Variants in TASOR2 observed in about 807,000 individuals in gnomAD.
TASOR2 encodes the protein transcription activation suppressor family member 2.
A neutral mutation model predicts 199.5 loss-of-function variants in TASOR2; 84 were observed. The observed-to-expected ratio is 0.42, with a 90% CI of 0.35 to 0.50. TASOR2 has a LOEUF of 0.50. TASOR2 is among the 20% of genes least tolerant of loss of function. The pLI is 0.02. For synonymous variants in TASOR2, 1,103 were observed against 1,046.6 expected, an observed-to-expected ratio of 1.05 and a Z score of -1.04; for missense variants, 2,796 against 2,835.9, an observed-to-expected ratio of 0.99 and a Z score of 0.32.
intron 15 of TASOR2, among the ~76,000 whole-genome samples, chr10:5,755,352 C>T (rs1052637077): frequency 2.6e-5 from 4 of 152,022 alleles, no homozygotes; most frequent in Admixed American, 1.3e-4. Flanking sequence ...GCAGGCGGAT[C>T]GCTTGAAGTC....
At chr10:5,714,234 T>G in intron 2 of TASOR2, 27 bp downstream of exon 3, 3 of 1,214,496 alleles carry the variant, frequency 2.5e-6, no homozygotes, top group Non-Finnish European at 3.1e-6. Context: ...AAAAGAATCT[T>G]AAAAAAAAAT....
At chr10:5,735,755 T>C (rs183298742) in intron 12 of TASOR2, among the ~76,000 whole-genome samples, 80 of 152,258 alleles carry the variant, frequency 5.3e-4, no homozygotes, top group African/African-American at 1.9e-3. Flanking sequence ...TTCAAAAACA[T>C]AGAGCCTACT....
At position 5,763,093 on chromosome 10, in the gene TASOR2, G is replaced by A. The variant is rs567380046; in HGVS notation, c.*61G>A. 3.5e-4 allele frequency: 543 copies of A among 1,530,054 alleles called. 3 individuals carry two copies. The highest frequency in any genetic ancestry group is 8.5e-4 in the Middle Eastern group (5 of 5,892). The allele number at this position is 1,530,054 out of a possible 1,614,324, so 94.8% of individuals were successfully genotyped here. A position where few individuals can be genotyped will look rare whatever the true frequency, so the allele number is the denominator to read the frequency against. ...ATAAAAAATTAGTATTTTCCCTTTG[G>A]AAAACTTGTGAACATGTGAATACAC... On this transcript the variant is annotated 3_prime_UTR_variant, in exon 21 of 21. Transcript: ENST00000328090.
At chr10:5,724,582 A>G (rs1833786735) in intron 8 of TASOR2, 49 bp downstream of exon 9, 1 of 608,868 alleles carries the variant, frequency 1.6e-6, no homozygotes, top group Non-Finnish European at 2.4e-6. Flanking sequence ...TCTTTAATTG[A>G]TATATATTAG....
intron 18 of TASOR2, among the ~76,000 whole-genome samples, chr10:5,759,395 AG>A (rs1192310482): frequency 4.6e-5 from 7 of 152,236 alleles, no homozygotes; most frequent in African/African-American, 1.7e-4. Flanking sequence ...CTAAAAGAAG[AG>A]GCTTATAAAT....
chr10:5,746,872 C>T, exon 15 of TASOR2: 1 of 1,614,220 alleles, frequency 6.2e-7, no homozygotes, highest in South Asian at 1.1e-5. Flanking sequence ...TCCAGTCTCT[C>T]TACCATCTGA....
At chr10:5,744,681 G>A (rs538169126) in intron 14 of TASOR2, among the ~76,000 whole-genome samples, 85 of 151,900 alleles carry the variant, frequency 5.6e-4, no homozygotes, top group Non-Finnish European at 1.1e-3. Context: ...CCAGAAATGA[G>A]TTTGTTTGGT....
intron 14 of TASOR2, among the ~76,000 whole-genome samples, chr10:5,743,266 C>T (rs1189051553): frequency 6.6e-6 from 1 of 152,138 alleles, no homozygotes. Flanking sequence ...GTTCCTATAC[C>T]CGGGGTCACC....
Position 5,740,272 on chromosome 10 carries a change from A to G in TASOR2, c.2102A>G (p.Gln701Arg). 1 of 1,614,252 alleles carries G rather than the reference A, an allele frequency of 6.2e-7. No homozygotes were observed. The highest frequency in any genetic ancestry group is 1.1e-5 in the South Asian group (1 of 91,092). ...GGGAAAGTCATGCCATTTCGGCATCAGCCCGGCCTTTTGCTTCAGCAAAAG... is the reference window on the plus strand; with the variant it reads ...GGGAAAGTCATGCCATTTCGGCATCGGCCCGGCCTTTTGCTTCAGCAAAAG... Residue 701 changes from glutamine (Q) to arginine (R), a missense_variant, in exon 13 of 21, where the codon CAG becomes CGG. Around this residue, in one of 3 missense-constraint regions of TASOR2, gnomAD observed 847 missense variants for 887.4 expected, o/e 0.95. Transcript: ENST00000328090. This position sits in a 1 kb window ranked among gnomAD's most constrained non-coding sequence, Gnocchi z 5.3.
chr10:5,737,260 C>A lies in TASOR2; in HGVS notation c.1447+1714C>A, dbSNP rs1835745629. 6.6e-6 allele frequency among the ~76,000 whole-genome samples: 1 copy of A among 152,020 alleles called. No individual in the cohort carries two copies. Among genetic ancestry groups the A allele is most frequent in the Non-Finnish European group, 1.5e-5 (1 of 68,030 alleles). ...GGATTACAGGTGTGAGCCACCACGCCCAGCCAGGTTTGTTTTTTTTAGTTT... is the reference window on the plus strand; with the variant it reads ...GGATTACAGGTGTGAGCCACCACGCACAGCCAGGTTTGTTTTTTTTAGTTT... On this transcript the variant is annotated intron_variant, in intron 12 of 20. Transcript: ENST00000328090. The surrounding 1 kb of genome is among the most constrained non-coding windows in gnomAD (Gnocchi z 4.9).
chr10:5,746,289 T>A, exon 15 of TASOR2: 1 of 1,614,154 alleles, frequency 6.2e-7, no homozygotes, highest in Non-Finnish European at 8.5e-7. Flanking sequence ...AAGAAGAAAT[T>A]GTTCAGCCAC....
chr10:5,703,191 AG>A (rs1043616391), intron 1 of TASOR2, among the ~76,000 whole-genome samples: 2 of 152,194 alleles, frequency 1.3e-5, no homozygotes, highest in Non-Finnish European at 2.9e-5. Context: ...ATTAACTAGA[AG>A]ATCATATTAG....
At position 5,721,035 on chromosome 10, in the gene TASOR2, C is replaced by A. The variant is rs1018137677; in HGVS notation, c.146+65C>A. 44 of 1,275,596 alleles carry A rather than the reference C, an allele frequency of 3.4e-5. No homozygotes were observed. The African/African-American group carries it at 6.1e-4, about 18-fold the overall frequency. The allele number at this position is 1,275,596 out of a possible 1,614,324, so 79.0% of individuals were successfully genotyped here. A position where few individuals can be genotyped will look rare whatever the true frequency, so the allele number is the denominator to read the frequency against. ...TACAAGTTTTGGGGTTTTTTTTCCT[C>A]ACCTCATTTCAAGGGTGGCATTGGT... On this transcript the variant is annotated intron_variant, in intron 6 of 20. Coordinates refer to ENST00000328090, the Ensembl canonical transcript of TASOR2.
chr10:5,733,441 G>T (rs922607475), intron 11 of TASOR2, among the ~76,000 whole-genome samples: 1 of 152,214 alleles, frequency 6.6e-6, no homozygotes, highest in African/African-American at 2.4e-5. Context: ...CTGGGAGGGA[G>T]AGGTTGCAGT....
exon 8 of TASOR2, chr10:5,724,437 T>C (rs377480980): frequency 8.5e-5 from 129 of 1,525,422 alleles, no homozygotes; most frequent in Non-Finnish European, 1.1e-4. Context: ...CAGTCTGTTT[T>C]CAAGATTTGT....
At chr10:5,731,311 C>A in intron 11 of TASOR2, 108 bp downstream of exon 12, 1 of 1,022,266 alleles carries the variant, frequency 9.8e-7, no homozygotes, top group Non-Finnish European at 1.4e-6. Context: ...GGTGGATCAC[C>A]TAAGGTCAGG....
intron 2 of TASOR2, 123 bp downstream of exon 2, chr10:5,713,041 C>T: frequency 2.2e-6 from 1 of 453,920 alleles, no homozygotes; most frequent in Non-Finnish European, 3.6e-6. Flanking sequence ...AGTTTGGTGG[C>T]ATGTAAATGA....
chr10:5,756,212 A>G (rs1838924023), intron 15 of TASOR2, among the ~76,000 whole-genome samples: 1 of 152,176 alleles, frequency 6.6e-6, no homozygotes, highest in South Asian at 2.1e-4. Context: ...TGACTCCAAA[A>G]TCAGTCCCCT....
intron 8 of TASOR2, among the ~76,000 whole-genome samples, chr10:5,726,192 A>T (rs1834040662): frequency 1.3e-5 from 2 of 152,200 alleles, no homozygotes; most frequent in South Asian, 2.1e-4. Flanking sequence ...AAACTATTAA[A>T]TTCATGATTT....
Sources: allele counts gnomAD v4.1 joint callset (sites outside exome capture counted in the v4.1 genomes callset), GRCh38; gene constraint gnomAD v4.1.1; regional missense constraint gnomAD v4.1.1; non-coding constraint Gnocchi (gnomAD v3.1); transcripts MANE v1.5; gene names NCBI Gene and HGNC (gene_info 2026-07-23, HGNC 2026-07-21).